The following NOX4 variants were observed in gnomAD, a reference collection of about 807,000 sequenced individuals.
The protein encoded by NOX4 is kidney oxidase-1.
Under a neutral mutation model 87.6 loss-of-function variants are expected in NOX4, and 69 were observed. The observed-to-expected ratio is 0.79, with a 90% CI of 0.65 to 0.96. The LOEUF (loss-of-function observed/expected upper bound fraction) is 0.96. Ranked by LOEUF, NOX4 falls within the 40% of genes least tolerant of loss-of-function variation. The pLI, the probability that NOX4 is intolerant of heterozygous loss-of-function variation, is 0.00. For synonymous variants in NOX4, 275 were observed against 238.2 expected (o/e 1.15, Z -1.42); for missense variants, 680 against 681.5 (o/e 1.00, Z 0.02).
At chr11:89,482,719 G>A (rs540018624) in intron 2 of NOX4, among the ~76,000 whole-genome samples, 1 of 152,136 alleles carries the variant, frequency 6.6e-6, no homozygotes, top group East Asian at 1.9e-4. Flanking sequence ...TCATATATAA[G>A]AATAATGCAT....
intron 8 of NOX4, among the ~76,000 whole-genome samples, chr11:89,414,119 A>G (rs1401174865): frequency 1.3e-5 from 2 of 152,096 alleles, no homozygotes; most frequent in Non-Finnish European, 2.9e-5. Context: ...GATTTGTCTA[A>G]GATTAGTGAT....
At position 89,354,484 on chromosome 11, in the gene NOX4, T is replaced by C. The variant is rs1247452089; in HGVS notation, c.1217+478A>G. Reference sequence around the variant, plus strand: ...AAGATTTCATTTCCCCTGTTTTCAATACGATAAATAAGAATATGTAGAGAT... The same window carrying C: ...AAGATTTCATTTCCCCTGTTTTCAACACGATAAATAAGAATATGTAGAGAT... On this transcript the variant is annotated intron_variant, in intron 13 of 17. Coordinates refer to ENST00000263317, the MANE Select transcript of NOX4 (RefSeq NM_016931.5). 2.0e-5 allele frequency among the ~76,000 whole-genome samples: 3 copies of C among 152,172 alleles called. No individual in the cohort carries two copies. In the East Asian group the frequency reaches 5.8e-4, roughly 29 times the overall value.
the NOX4 span, among the ~76,000 whole-genome samples, chr11:89,542,649 T>C: frequency 6.6e-6 from 1 of 152,156 alleles, no homozygotes; most frequent in Non-Finnish European, 1.5e-5. Context: ...CTTTTAGTGG[T>C]GTTCTTTGTT....
At chr11:89,577,732 C>T in the NOX4 span, 1 of 152,076 alleles carries the variant, frequency 6.6e-6, no homozygotes, top group African/African-American at 2.4e-5. Flanking sequence ...ATGTCTTATC[C>T]TCTGCAATTA....
At chr11:89,532,650 C>A in the NOX4 span, among the ~76,000 whole-genome samples, 1 of 152,080 alleles carries the variant, frequency 6.6e-6, no homozygotes, top group African/African-American at 2.4e-5. Flanking sequence ...AGGGAAGACA[C>A]AATTGTGTTT....
At chr11:89,544,163 A>G in the NOX4 span, among the ~76,000 whole-genome samples, 1 of 152,110 alleles carries the variant, frequency 6.6e-6, no homozygotes, top group Non-Finnish European at 1.5e-5. Context: ...ATACATTTCA[A>G]CCAATATTTG....
chr11:89,459,949 C>T (rs936223620), intron 2 of NOX4, among the ~76,000 whole-genome samples: 2 of 152,042 alleles, frequency 1.3e-5, no homozygotes, highest in East Asian at 3.9e-4. Context: ...CACGGTACTG[C>T]TACCAAAACA....
intron 12 of NOX4, among the ~76,000 whole-genome samples, chr11:89,362,419 T>C (rs1938599577): frequency 6.6e-6 from 1 of 152,128 alleles, no homozygotes; most frequent in Non-Finnish European, 1.5e-5. Flanking sequence ...TCAATCCATT[T>C]TGATTACTCT....
intron 13 of NOX4, among the ~76,000 whole-genome samples, chr11:89,344,866 A>T (rs1946148131): frequency 6.6e-6 from 1 of 152,172 alleles, no homozygotes; most frequent in Admixed American, 6.5e-5. Flanking sequence ...TCAGATAATA[A>T]TCTTTACAAT....
chr11:89,375,638 A>C (rs1315570452), intron 11 of NOX4, among the ~76,000 whole-genome samples: 1 of 152,184 alleles, frequency 6.6e-6, no homozygotes, highest in Non-Finnish European at 1.5e-5. Flanking sequence ...CTCTGAAAGC[A>C]AACAGTTTTG....
At chr11:89,363,922 A>G (rs1397213390) in intron 12 of NOX4, among the ~76,000 whole-genome samples, 2 of 152,094 alleles carry the variant, frequency 1.3e-5, no homozygotes, top group African/African-American at 4.8e-5. Context: ...GAGGCTCTCA[A>G]ATTAGTACTA....
intron 12 of NOX4, among the ~76,000 whole-genome samples, chr11:89,365,994 G>C (rs1238793045): frequency 1.3e-5 from 2 of 151,996 alleles, no homozygotes; most frequent in Non-Finnish European, 2.9e-5. Context: ...AGTGTATCAA[G>C]AAAATGAGTA....
In NOX4 at chr11:89,402,323, G is replaced by C. The variant is rs1489869199; in HGVS notation, c.846+3C>G. The C allele has an allele frequency of 3.7e-6, 6 of 1,608,324 alleles. No homozygotes were observed. In the Admixed American group the frequency reaches 1.0e-4, roughly 27 times the overall value. On this transcript the variant is annotated splice_donor_region_variant and intron_variant, in intron 9 of 17. Coordinates refer to ENST00000263317, the MANE Select transcript of NOX4 (RefSeq NM_016931.5). ...TGGAGATCAAACACAAAATTAATCT[G>C]ACCTGTGGAAAATTAGCTTGGAATC...
intron 2 of NOX4, among the ~76,000 whole-genome samples, chr11:89,458,295 A>C (rs575106974): frequency 4.8e-4 from 73 of 152,226 alleles, no homozygotes; most frequent in African/African-American, 1.5e-3. Context: ...AATATAAAGC[A>C]ATATAAAAAT....
chr11:89,350,014 C>A (rs1260080589), intron 13 of NOX4, among the ~76,000 whole-genome samples: 2 of 152,138 alleles, frequency 1.3e-5, no homozygotes, highest in Non-Finnish European at 2.9e-5. Context: ...ACCTATAAAT[C>A]AACAATATGC....
chr11:89,434,449 A>G (rs532527559), intron 6 of NOX4, among the ~76,000 whole-genome samples: 1 of 151,976 alleles, frequency 6.6e-6, no homozygotes, highest in African/African-American at 2.4e-5. Flanking sequence ...TTCCTTTTTC[A>G]TGATTTTTCC....
intron 2 of NOX4, among the ~76,000 whole-genome samples, chr11:89,480,707 C>G (rs974618109): frequency 6.6e-6 from 1 of 151,994 alleles, no homozygotes; most frequent in East Asian, 1.9e-4. Flanking sequence ...GAGACTGCAG[C>G]AAAGAACATA....
the NOX4 span, chr11:89,577,744 T>C: frequency 6.6e-6 from 1 of 152,198 alleles, no homozygotes; most frequent in Non-Finnish European, 1.5e-5. Context: ...CTGCAATTAG[T>C]TTATAATTTC....
chr11:89,403,295 A>G (rs1591133177), intron 8 of NOX4, among the ~76,000 whole-genome samples: 2 of 152,288 alleles, frequency 1.3e-5, no homozygotes, highest in Admixed American at 6.5e-5. Context: ...AATCCATAAA[A>G]TGACAGATTG....
Sources: gnomAD v4.1 joint callset for allele counts (sites outside exome capture counted in the v4.1 genomes callset) on GRCh38, gnomAD v4.1.1 for gene constraint, MANE v1.5 for transcripts, NCBI Gene and HGNC (gene_info 2026-07-23, HGNC 2026-07-21) for gene names.